The following UBE2L3 variants were observed in gnomAD, a reference collection of about 807,000 sequenced individuals.
The protein encoded by UBE2L3 is ubiquitin-conjugating enzyme E2 L3.
UBE2L3 carries 1 observed loss-of-function variant against 17.8 expected under a neutral mutation model. The ratio of observed to expected loss-of-function variants is 0.06; its 90% confidence interval spans 0.02 to 0.27. The LOEUF is 0.27. Among genes scored for constraint, UBE2L3 ranks in the 10% least tolerant of loss-of-function variants. The pLI is 1.00. For synonymous variants in UBE2L3, 44 were observed against 68.5 expected (o/e 0.64, Z 1.76); for missense variants, 40 against 192.6 (o/e 0.21, Z 4.69).
chr22:21,606,306 G>T (rs1003537226), intron 2 of UBE2L3, among the ~76,000 whole-genome samples: 6 of 151,908 alleles, frequency 3.9e-5, no homozygotes, highest in Admixed American at 6.5e-5. Flanking sequence ...GCGCGCGCGT[G>T]TGTGTGGTAT....
chr22:21,608,263 T>A (rs1929281979), intron 2 of UBE2L3, among the ~76,000 whole-genome samples: 2 of 152,116 alleles, frequency 1.3e-5, no homozygotes, highest in South Asian at 4.1e-4. Context: ...AAAATCTTTT[T>A]AACAAAGAAA....
chr22:21,596,397 G>A (rs960208695), intron 2 of UBE2L3, among the ~76,000 whole-genome samples: 4 of 152,086 alleles, frequency 2.6e-5, no homozygotes, highest in Admixed American at 6.5e-5. Flanking sequence ...TTTTGAGACA[G>A]TCTTACTCTG....
chr22:21,566,169 C>T (rs954583197), upstream of UBE2L3, among the ~76,000 whole-genome samples: 3 of 151,986 alleles, frequency 2.0e-5, no homozygotes, highest in African/African-American at 7.2e-5. Flanking sequence ...GACGGAGTTT[C>T]ACCATGTTGG....
At chr22:21,567,930 G>C (rs1926725907) in intron 1 of UBE2L3, 159 bp downstream of exon 1, 3 of 1,468,342 alleles carry the variant, frequency 2.0e-6, no homozygotes, top group Non-Finnish European at 2.7e-6. Flanking sequence ...GGTGCTAACG[G>C]GGCTGGCCTA....
upstream of UBE2L3, chr22:21,567,645 C>T: frequency 6.5e-7 from 1 of 1,545,614 alleles, no homozygotes; most frequent in Non-Finnish European, 8.7e-7. Flanking sequence ...TGCTCCTGTG[C>T]CCCGCCCCGC....
In UBE2L3 at chr22:21,599,298, T is replaced by C. The variant is rs997189799; in HGVS notation, c.123+6342T>C. ...CTGCTTCCTGCTAATTGTGCCACTC[T>C]GCCTTCTCTCTCCCCTACTTCCGTC... On this transcript the variant is annotated intron_variant, in intron 2 of 3. Coordinates refer to ENST00000342192, the MANE Select transcript of UBE2L3 (RefSeq NM_003347.4). 2.2e-4 allele frequency among the ~76,000 whole-genome samples: 34 copies of C among 152,180 alleles called. 1 individual carries two copies. Among genetic ancestry groups the C allele is most frequent in the Admixed American group, 6.5e-5 (1 of 15,282 alleles).
At chr22:21,599,359 G>A (rs1221189530) in intron 2 of UBE2L3, among the ~76,000 whole-genome samples, 1 of 152,158 alleles carries the variant, frequency 6.6e-6, no homozygotes, top group Non-Finnish European at 1.5e-5. Flanking sequence ...AATGAGGGCA[G>A]CCCTGTTTTC....
chr22:21,615,871 T>C (rs916900283), intron 3 of UBE2L3, among the ~76,000 whole-genome samples: 1 of 152,244 alleles, frequency 6.6e-6, no homozygotes, highest in Non-Finnish European at 1.5e-5. Flanking sequence ...GGCTGTCTAA[T>C]GCCAAACTTC....
chr22:21,578,419 C>G (rs1054304825), intron 1 of UBE2L3, among the ~76,000 whole-genome samples: 1 of 151,836 alleles, frequency 6.6e-6, no homozygotes, highest in African/African-American at 2.4e-5. Flanking sequence ...CTGAAGGATT[C>G]TCCACGAGTT....
At chr22:21,570,307 C>CT (rs561340179) in intron 1 of UBE2L3, among the ~76,000 whole-genome samples, 34 of 151,234 alleles carry the variant, frequency 2.2e-4, no homozygotes, top group Non-Finnish European at 4.4e-4. Context: ...AATTATTACT[C>CT]TGTTTCTAAA....
At chr22:21,596,701 G>C (rs1172968291) in intron 2 of UBE2L3, among the ~76,000 whole-genome samples, 1 of 152,070 alleles carries the variant, frequency 6.6e-6, no homozygotes, top group Non-Finnish European at 1.5e-5. Context: ...TGGTCAGGCT[G>C]GTCTCGAACT....
chr22:21,617,743 A>G (rs1022624570), intron 3 of UBE2L3, among the ~76,000 whole-genome samples: 2 of 152,258 alleles, frequency 1.3e-5, no homozygotes, highest in Non-Finnish European at 2.9e-5. Context: ...TTTGTAAAGC[A>G]GACAATCTGT....
chr22:21,618,852 A>AAAGT (rs772946169), intron 3 of UBE2L3, among the ~76,000 whole-genome samples: 124 of 152,132 alleles, frequency 8.2e-4, no homozygotes, highest in Non-Finnish European at 1.5e-3. Context: ...TTGGCCTCCC[A>AAAGT]AAGTGCTGGG....
chr22:21,568,200 C>G (rs1926748829), intron 1 of UBE2L3: 1 of 992,760 alleles, frequency 1.0e-6, no homozygotes. Context: ...TGGGCCGCAG[C>G]GCGCCGGGCT....
At chr22:21,562,651 G>T (rs1319996370) in intron 1 of UBE2L3, among the ~76,000 whole-genome samples, 1 of 148,890 alleles carries the variant, frequency 6.7e-6, no homozygotes, top group East Asian at 2.0e-4. Flanking sequence ...GATTACAGGC[G>T]TGAGCCACCA....
At chr22:21,568,894 C>T (rs1026812295) in intron 1 of UBE2L3, among the ~76,000 whole-genome samples, 1 of 152,112 alleles carries the variant, frequency 6.6e-6, no homozygotes, top group Non-Finnish European at 1.5e-5. Flanking sequence ...TCTTTTGTTC[C>T]CTAAGGGCTA....
chr22:21,556,410 AAAAT>A (rs1285688726), intron 1 of UBE2L3, among the ~76,000 whole-genome samples: 1 of 152,280 alleles, frequency 6.6e-6, no homozygotes, highest in African/African-American at 2.4e-5. Flanking sequence ...AAAGTAAAAT[AAAAT>A]AAATTTTAAA....
chr22:21,584,540 G>A (rs1156492143), intron 1 of UBE2L3, among the ~76,000 whole-genome samples: 1 of 151,838 alleles, frequency 6.6e-6, no homozygotes, highest in African/African-American at 2.4e-5. Context: ...GTCTCACTCT[G>A]TCACCCAGAC....
chr22:21,569,834 T>G (rs565618069), intron 1 of UBE2L3, among the ~76,000 whole-genome samples: 2 of 152,236 alleles, frequency 1.3e-5, no homozygotes, highest in Non-Finnish European at 2.9e-5. Context: ...AAAGATTCTT[T>G]GGCTTGCCCA....
Sources: allele counts gnomAD v4.1 joint callset (sites outside exome capture counted in the v4.1 genomes callset), GRCh38; gene constraint gnomAD v4.1.1; transcripts MANE v1.5; gene names NCBI Gene and HGNC (gene_info 2026-07-23, HGNC 2026-07-21).